ZZEF1: variants seen among roughly 807,000 people sequenced by gnomAD.
The protein encoded by ZZEF1 is zinc finger ZZ-type and EF-hand domain containing 1.
In ZZEF1, 157 loss-of-function variants were observed where a neutral mutation model predicts 342.8. The observed-to-expected ratio is 0.46, with a 90% CI of 0.40 to 0.52. The LOEUF (loss-of-function observed/expected upper bound fraction) is 0.52. Among genes scored for constraint, ZZEF1 ranks in the 20% least tolerant of loss-of-function variants. ZZEF1 has a pLI of 0.00. For synonymous variants in ZZEF1, 1,505 were observed against 1,429.1 expected (o/e 1.05, Z -1.20); for missense variants, 3,480 against 3,725.6 (o/e 0.93, Z 1.72).
At chr17:4,068,133 T>C (rs980740054) in intron 26 of ZZEF1, among the ~76,000 whole-genome samples, 12 of 152,110 alleles carry the variant, frequency 7.9e-5, no homozygotes, top group African/African-American at 2.9e-4. Flanking sequence ...TATACAAATA[T>C]ACATACATAT....
intron 52 of ZZEF1, among the ~76,000 whole-genome samples, chr17:4,011,135 C>T (rs975146625): frequency 7.9e-5 from 12 of 151,726 alleles, no homozygotes; most frequent in Non-Finnish European, 1.8e-4. Flanking sequence ...GGAGCGGTGG[C>T]TCATACCTAC....
At chr17:4,041,629 T>C (rs2056806061) in intron 39 of ZZEF1, among the ~76,000 whole-genome samples, 1 of 152,172 alleles carries the variant, frequency 6.6e-6, no homozygotes, top group Non-Finnish European at 1.5e-5. Flanking sequence ...ATAAATTCAT[T>C]ATCAGCTCAG....
At chr17:4,046,678 T>C (rs1382459207) in intron 37 of ZZEF1, among the ~76,000 whole-genome samples, 2 of 152,180 alleles carry the variant, frequency 1.3e-5, no homozygotes, top group Admixed American at 6.5e-5. Context: ...CTTTGTTAAA[T>C]GTACCCTCTG....
In ZZEF1 at chr17:4,039,468, TCAAACAAA is replaced by T. The variant is rs113389421; in HGVS notation, c.6306+2953_6306+2960del. ...CTGGGGGACAGAGTGAGACACCATC[TCAAACAAA>T]CAAACAAACAAACAAACAAATCCGC... On this transcript the variant is annotated intron_variant, in intron 39 of 54. Transcript: ENST00000381638. Among the ~76,000 whole-genome samples, 811 of 150,168 alleles carry T rather than the reference TCAAACAAA, an allele frequency of 5.4e-3. 7 individuals carry two copies. The highest frequency in any genetic ancestry group is 0.019 in the African/African-American group (764 of 40,330).
chr17:4,016,489 G>T lies in ZZEF1; in HGVS notation c.8002-23C>A. The T allele has an allele frequency of 6.3e-7, 1 of 1,589,574 alleles. No individual in the cohort carries two copies. The highest frequency in any genetic ancestry group is 8.5e-7 in the Non-Finnish European group (1 of 1,173,164). ...GATCTGGTGGGAAGCAGACAGATAA[G>T]GTCAGGGCCTGCAAGTGGCATCAGG... On this transcript the variant is annotated intron_variant, in intron 48 of 54. Transcript: ENST00000381638. This position sits in a 1 kb window ranked among gnomAD's most constrained non-coding sequence, Gnocchi z 4.4.
chr17:4,079,954 G>A (rs2057691242), intron 18 of ZZEF1, among the ~76,000 whole-genome samples: 1 of 152,216 alleles, frequency 6.6e-6, no homozygotes, highest in Non-Finnish European at 1.5e-5. Context: ...TCAAAGATGT[G>A]GTTTGGACTA....
chr17:4,034,869 G>C (rs1419914800), intron 39 of ZZEF1, among the ~76,000 whole-genome samples: 1 of 152,052 alleles, frequency 6.6e-6, no homozygotes, highest in African/African-American at 2.4e-5. Flanking sequence ...ATAGTGGTAC[G>C]TGCCTGTAGT....
At chr17:4,053,527 A>T (rs1179022400) in intron 34 of ZZEF1, among the ~76,000 whole-genome samples, 2 of 152,180 alleles carry the variant, frequency 1.3e-5, no homozygotes, top group South Asian at 4.1e-4. Context: ...CAGCACACAC[A>T]TTCTTGTACT....
At position 4,062,888 on chromosome 17, in the gene ZZEF1, G is replaced by A. The variant is rs1285950576; in HGVS notation, c.4748C>T (p.Ala1583Val). The A allele has an allele frequency of 6.2e-7, 1 of 1,612,142 alleles. No individual in the cohort carries two copies. Among genetic ancestry groups the A allele is most frequent in the East Asian group, 2.2e-5 (1 of 44,882 alleles). ...SVVKVLSLRKAQAQSILEVLK... is the reference protein window; with the variant it reads ...SVVKVLSLRKVQAQSILEVLK... The stretch of plus-strand genomic sequence containing the variant: ...GACTTCCAGGATGCTCTGGGCCTGG[G>A]CTTTCCTCAGGGAAAGAACCTTCAC... The change falls in exon 30 of 55, where the codon GCC (alanine) becomes GTC (valine). Residue 1583 changes from alanine to valine, a missense_variant. Physicochemically the swap from Ala to Val is moderately conservative, Grantham distance 64. Transcript: ENST00000381638.
Position 4,072,492 on chromosome 17 carries a change from G to GAGCTAACTGCTTA in ZZEF1, c.3834+103_3834+115dup, listed in dbSNP as rs1189178423. On this transcript the variant is annotated intron_variant, in intron 25 of 54. Transcript: ENST00000381638. Reference sequence around the variant, plus strand: ...ACAAGGTATAGTTTCTGGCCTCAAGGAGCTAACTGCTTAATACGGGTAGTA... The same window carrying GAGCTAACTGCTTA: ...ACAAGGTATAGTTTCTGGCCTCAAGGAGCTAACTGCTTAAGCTAACTGCTTAATACGGGTAGTA... 19 of 1,283,044 alleles carry GAGCTAACTGCTTA rather than the reference G, an allele frequency of 1.5e-5. No homozygotes were observed. The African/African-American group carries it at 2.6e-4, about 17-fold the overall frequency. The allele number at this position is 1,283,044 out of a possible 1,614,324, so 79.5% of individuals were successfully genotyped here. A position where few individuals can be genotyped will look rare whatever the true frequency, so the allele number is the denominator to read the frequency against.
intron 1 of ZZEF1, among the ~76,000 whole-genome samples, chr17:4,131,386 G>A (rs7218574): frequency 0.15 from 23,526 of 151,986 alleles, 2,007 homozygotes; most frequent in African/African-American, 0.22. Context: ...TAGACAACTG[G>A]CAGAGAATCT....
At chr17:4,033,825 T>G in intron 40 of ZZEF1, 190 bp downstream of exon 40, 1 of 691,200 alleles carries the variant, frequency 1.4e-6, no homozygotes, top group Non-Finnish European at 2.4e-6. Flanking sequence ...TGTTTTAACG[T>G]TGGTGTTAAG....
intron 43 of ZZEF1, among the ~76,000 whole-genome samples, chr17:4,024,186 G>GTTTTTTTT (rs754985234): frequency 0.017 from 1,606 of 94,354 alleles, 239 homozygotes; most frequent in East Asian, 0.044. Flanking sequence ...TATTGCCCAG[G>GTTTTTTTT]TTTTTTTTTT....
intron 42 of ZZEF1, among the ~76,000 whole-genome samples, chr17:4,028,772 C>T (rs1369292642): frequency 6.6e-6 from 1 of 152,102 alleles, no homozygotes; most frequent in Non-Finnish European, 1.5e-5. Context: ...TTTGGCTGAG[C>T]CTCTGGATGC....
At chr17:4,057,799 C>T (rs2057197475) in intron 32 of ZZEF1, among the ~76,000 whole-genome samples, 195 bp downstream of exon 32, 1 of 152,154 alleles carries the variant, frequency 6.6e-6, no homozygotes, top group Admixed American at 6.5e-5. Flanking sequence ...TTGTTATCTC[C>T]AGCTCTGAAG....
At chr17:4,010,597 C>T (rs1233823405) in intron 52 of ZZEF1, among the ~76,000 whole-genome samples, 1 of 150,746 alleles carries the variant, frequency 6.6e-6, no homozygotes, top group African/African-American at 2.4e-5. Context: ...TGGTGGTGGG[C>T]GCCTGTAATC....
intron 26 of ZZEF1, among the ~76,000 whole-genome samples, chr17:4,068,666 G>C (rs988888838): frequency 6.6e-6 from 1 of 152,162 alleles, no homozygotes; most frequent in South Asian, 2.1e-4. Context: ...TAATATACTA[G>C]AACAGCATGA....
At chr17:4,112,959 C>T (rs2058338132) in intron 4 of ZZEF1, 151 bp from the exon 5 acceptor site, 1 of 649,922 alleles carries the variant, frequency 1.5e-6, no homozygotes, top group Non-Finnish European at 2.5e-6. Context: ...CTATGAGTTT[C>T]AAAGTCCTTC....
chr17:4,120,814 A>G (rs2058470808), intron 2 of ZZEF1, among the ~76,000 whole-genome samples: 2 of 152,346 alleles, frequency 1.3e-5, no homozygotes, highest in Admixed American at 6.5e-5. Context: ...CTATGATGGA[A>G]AAAGTGTTTT....
Sources: allele counts gnomAD v4.1 joint callset (sites outside exome capture counted in the v4.1 genomes callset), GRCh38; gene constraint gnomAD v4.1.1; non-coding constraint Gnocchi (gnomAD v3.1); transcripts MANE v1.5; gene names NCBI Gene and HGNC (gene_info 2026-07-23, HGNC 2026-07-21).